Variants in AXIN1 observed in about 807,000 individuals in gnomAD.
The protein encoded by AXIN1 is axin-1.
Under a neutral mutation model 76.4 loss-of-function variants are expected in AXIN1, and 30 were observed. The observed-to-expected ratio is 0.39, with a 90% CI of 0.29 to 0.53. AXIN1 has a LOEUF of 0.53. AXIN1 is among the 20% of genes least tolerant of loss of function. The pLI is 0.66. For missense variants in AXIN1, 1,140 were observed against 1,198.8 expected (o/e 0.95, Z 0.72); for synonymous variants, 545 against 501.4 (o/e 1.09, Z -1.16).
chr16:314,532 G>T lies in AXIN1; in HGVS notation c.1019+11C>A, dbSNP rs2141592229. 6.2e-7 allele frequency: 1 copy of T among 1,613,310 alleles called. No homozygotes were observed. Among genetic ancestry groups the T allele is most frequent in the Non-Finnish European group, 8.5e-7 (1 of 1,179,836 alleles). On this transcript the variant is annotated intron_variant, in intron 3 of 10. Transcript: ENST00000262320. The stretch of plus-strand genomic sequence containing the variant: ...GTCCGTGAGGGACTGGGTATCCGGG[G>T]CGGGACTTACACGCTGCTGTCCGTG...
chr16:328,693 T>C (rs892938393), intron 2 of AXIN1, among the ~76,000 whole-genome samples: 1 of 151,748 alleles, frequency 6.6e-6, no homozygotes, highest in African/African-American at 2.4e-5. Context: ...CGAAACTCCA[T>C]GTCAAAAAAA....
intron 1 of AXIN1, among the ~76,000 whole-genome samples, chr16:349,064 T>A (rs895127019): frequency 1.3e-5 from 2 of 151,954 alleles, no homozygotes; most frequent in South Asian, 4.2e-4. Context: ...CGCCGGCCAC[T>A]GCACTCCAGC....
chr16:329,841 G>C (rs1055177417), intron 2 of AXIN1, among the ~76,000 whole-genome samples: 6 of 147,844 alleles, frequency 4.1e-5, no homozygotes, highest in Non-Finnish European at 7.4e-5. Context: ...CACTGTATTA[G>C]CCAGGATGGT....
intron 8 of AXIN1, chr16:291,625 A>G (rs2052563863): frequency 2.3e-6 from 1 of 429,008 alleles, no homozygotes; most frequent in Non-Finnish European, 4.4e-6. Context: ...TCTCGTCCCG[A>G]GAGTCTGTCC....
chr16:332,963 G>A (rs2053724490), intron 2 of AXIN1, among the ~76,000 whole-genome samples: 2 of 152,178 alleles, frequency 1.3e-5, no homozygotes, highest in African/African-American at 4.8e-5. Context: ...AGTAGGAGGA[G>A]TGCTCAAGGC....
chr16:308,197 C>A (rs1349047519), intron 4 of AXIN1, among the ~76,000 whole-genome samples: 2 of 152,202 alleles, frequency 1.3e-5, no homozygotes, highest in African/African-American at 2.4e-5. Flanking sequence ...TCAAATGTGA[C>A]CCTCCAGGAC....
At chr16:300,204 A>G (rs2052834144) in intron 5 of AXIN1, among the ~76,000 whole-genome samples, 1 of 152,086 alleles carries the variant, frequency 6.6e-6, no homozygotes, top group Non-Finnish European at 1.5e-5. Context: ...GGCCTCCCAA[A>G]GTGCTAGGAT....
At chr16:309,331 T>TA (rs2053113594) in intron 4 of AXIN1, among the ~76,000 whole-genome samples, 1 of 151,806 alleles carries the variant, frequency 6.6e-6, no homozygotes, top group East Asian at 1.9e-4. Context: ...CATCTTCCCG[T>TA]AACATCTTTC....
intron 7 of AXIN1, 104 bp downstream of exon 7, chr16:296,952 G>C: frequency 1.4e-6 from 2 of 1,400,090 alleles, no homozygotes; most frequent in Non-Finnish European, 2.0e-6. Flanking sequence ...AGGCGTCACA[G>C]GCGACACTCG....
chr16:315,850 AAAG>A (rs2053289476), intron 2 of AXIN1, among the ~76,000 whole-genome samples: 1 of 149,544 alleles, frequency 6.7e-6, no homozygotes, highest in Non-Finnish European at 1.5e-5. Context: ...AAAAAAAAAA[AAAG>A]AACAGCCTGA....
chr16:318,743 T>C (rs530651859), intron 2 of AXIN1, among the ~76,000 whole-genome samples: 4 of 152,328 alleles, frequency 2.6e-5, no homozygotes, highest in East Asian at 1.9e-4. Flanking sequence ...CGCATGCCCA[T>C]GTGTGCACCT....
intron 10 of AXIN1, 125 bp from the exon 11 acceptor site, chr16:288,373 C>A: frequency 7.1e-7 from 1 of 1,415,870 alleles, no homozygotes; most frequent in South Asian, 1.2e-5. Flanking sequence ...CCACGGCCCC[C>A]ACTGCATGTG....
chr16:350,577 A>G (rs1188236779), intron 1 of AXIN1, among the ~76,000 whole-genome samples: 1 of 151,362 alleles, frequency 6.6e-6, no homozygotes, highest in East Asian at 2.0e-4. Flanking sequence ...TTTGATTTAC[A>G]TGGAGGAGGC....
chr16:319,463 TAAAC>T (rs2053388920), intron 2 of AXIN1, among the ~76,000 whole-genome samples: 1 of 152,152 alleles, frequency 6.6e-6, no homozygotes, highest in Non-Finnish European at 1.5e-5. Flanking sequence ...AGCTGTGTCA[TAAAC>T]AAACACCTGT....
intron 2 of AXIN1, among the ~76,000 whole-genome samples, chr16:317,174 G>T (rs757460): frequency 1.1e-4 from 16 of 151,972 alleles, no homozygotes; most frequent in African/African-American, 3.9e-4. Flanking sequence ...AAGATGGGAG[G>T]GGGGCAGGCA....
rs552816375 is a variant in AXIN1, at chr16:332,109, G to A, written c.878+14039C>T. Among the ~76,000 whole-genome samples, 35 of 152,242 alleles carry A rather than the reference G, an allele frequency of 2.3e-4. 1 individual carries two copies. The highest frequency in any genetic ancestry group is 7.5e-4 in the African/African-American group (31 of 41,522). ...CAGGCAGTGCGAGAGTCCACAGGTCGGCAGCCTTCAGCAGCGACAATGGTC... is the reference window on the plus strand; with the variant it reads ...CAGGCAGTGCGAGAGTCCACAGGTCAGCAGCCTTCAGCAGCGACAATGGTC... On this transcript the variant is annotated intron_variant, in intron 2 of 10. Coordinates refer to ENST00000262320, the MANE Select transcript of AXIN1 (RefSeq NM_003502.4).
chr16:290,077 C>CA (rs2052511907), intron 9 of AXIN1: 4 of 239,552 alleles, frequency 1.7e-5, no homozygotes, highest in Non-Finnish European at 3.3e-5. Flanking sequence ...GCAGGCCCTT[C>CA]AGAGGGGGCA....
chr16:348,399 C>T (rs754160562), intron 1 of AXIN1, among the ~76,000 whole-genome samples: 9 of 152,236 alleles, frequency 5.9e-5, no homozygotes, highest in Non-Finnish European at 1.3e-4. Flanking sequence ...CCCCCAGCCA[C>T]CACTCCACAC....
intron 2 of AXIN1, among the ~76,000 whole-genome samples, chr16:345,068 C>G (rs1290453231): frequency 6.6e-6 from 1 of 151,628 alleles, no homozygotes; most frequent in East Asian, 1.9e-4. Context: ...TGCATGCGCT[C>G]TGCTCACAAG....
Sources: allele counts gnomAD v4.1 joint callset (sites outside exome capture counted in the v4.1 genomes callset), GRCh38; gene constraint gnomAD v4.1.1; transcripts MANE v1.5; gene names NCBI Gene and HGNC (gene_info 2026-07-23, HGNC 2026-07-21).